NPAT: variants seen among roughly 807,000 people sequenced by gnomAD.
NPAT encodes nuclear protein, coactivator of histone transcription.
Under a neutral mutation model 130.7 loss-of-function variants are expected in NPAT, and 52 were observed. The observed-to-expected ratio is 0.40, with a 90% CI of 0.32 to 0.50. The LOEUF (loss-of-function observed/expected upper bound fraction) is 0.50. NPAT is among the 20% of genes least tolerant of loss of function. NPAT has a pLI of 0.68. For missense variants in NPAT, 1,687 were observed against 1,662.6 expected (o/e 1.01, Z -0.26); for synonymous variants, 580 against 584.8 (o/e 0.99, Z 0.12).
At chr11:108,197,241 T>G in intron 2 of NPAT, 61 bp downstream of exon 2, 2 of 1,172,788 alleles carry the variant, frequency 1.7e-6, no homozygotes, top group African/African-American at 3.0e-5. Context: ...GCTGATTTTA[T>G]GACTATGTTT....
At chr11:108,188,290 A>C in intron 6 of NPAT, 111 bp from the exon 7 acceptor site, 1 of 821,518 alleles carries the variant, frequency 1.2e-6, no homozygotes, top group Non-Finnish European at 2.1e-6. Flanking sequence ...TTCAATTAAC[A>C]TGTACTGAGT....
chr11:108,192,919 A>T (rs1481158382), intron 3 of NPAT, among the ~76,000 whole-genome samples: 1 of 151,956 alleles, frequency 6.6e-6, no homozygotes, highest in Non-Finnish European at 1.5e-5. Context: ...GCGCCATTGC[A>T]CTCCAGCCTG....
chr11:108,172,593 A>G lies in NPAT; in HGVS notation c.2391T>C (p.Gly797=). 6.2e-7 allele frequency: 1 copy of G among 1,614,196 alleles called. No homozygotes were observed. Among genetic ancestry groups the G allele is most frequent in the Non-Finnish European group, 8.5e-7 (1 of 1,180,034 alleles). Reference sequence around the variant, plus strand: ...CCCCTACTTCGGCATATACAACAGCACCTACAGTTTCTTCTGAAGATAGGC... The same window carrying G: ...CCCCTACTTCGGCATATACAACAGCGCCTACAGTTTCTTCTGAAGATAGGC... The part of the protein sequence containing the change: ...VKCLSSEETV[G]AVVYAEVGDS... Residue 797 remains glycine (G), a synonymous_variant, in exon 13 of 18, where the codon GGT becomes GGC. Transcript: ENST00000278612.
chr11:108,165,494 T>C lies in NPAT; in HGVS notation c.3011-3314A>G, dbSNP rs1265153370. On this transcript the variant is annotated intron_variant, in intron 15 of 17. Coordinates refer to ENST00000278612, the MANE Select transcript of NPAT (RefSeq NM_002519.3). ...TATATTTTTTTTTTGTGATAGGGTC[T>C]TGCTCTATTGCCCAGGCTGGAGTGT... Among the ~76,000 whole-genome samples, 6 of 147,434 alleles carry C rather than the reference T, an allele frequency of 4.1e-5. 1 individual carries two copies.
Position 108,203,282 on chromosome 11 carries a change from G to C in NPAT, c.38-5862C>G, listed in dbSNP as rs994553912. 4.6e-5 allele frequency among the ~76,000 whole-genome samples: 7 copies of C among 152,266 alleles called. 1 individual carries two copies. Among genetic ancestry groups the C allele is most frequent in the African/African-American group, 1.4e-4 (6 of 41,552 alleles). On this transcript the variant is annotated intron_variant, in intron 1 of 17. Coordinates refer to ENST00000278612, the MANE Select transcript of NPAT (RefSeq NM_002519.3). Reference sequence around the variant, plus strand: ...CTTTGGCCCATTTCCAATAGGAACTGAAACAACTGTCAGAGGCCCAATTCT... The same window carrying C: ...CTTTGGCCCATTTCCAATAGGAACTCAAACAACTGTCAGAGGCCCAATTCT...
intron 1 of NPAT, among the ~76,000 whole-genome samples, chr11:108,202,727 T>C (rs1382720553): frequency 1.3e-5 from 2 of 152,212 alleles, no homozygotes; most frequent in African/African-American, 2.4e-5. Flanking sequence ...ACCCAAATAA[T>C]GGGAGGTTAC....
intron 2 of NPAT, 39 bp from the exon 3 acceptor site, chr11:108,194,056 A>C (rs774716393): frequency 1.8e-5 from 18 of 1,017,714 alleles, no homozygotes; most frequent in East Asian, 4.8e-5. Flanking sequence ...AAATTGTATA[A>C]TACTACCAAT....
intron 15 of NPAT, among the ~76,000 whole-genome samples, chr11:108,163,097 T>TTTC (rs2077868252): frequency 6.6e-6 from 1 of 152,048 alleles, no homozygotes; most frequent in African/African-American, 2.4e-5. Flanking sequence ...TATTTATTTT[T>TTTC]GAGACGGAGT....
At chr11:108,168,600 C>G (rs896964780) in intron 15 of NPAT, among the ~76,000 whole-genome samples, 18 of 152,234 alleles carry the variant, frequency 1.2e-4, no homozygotes, top group African/African-American at 3.6e-4. Flanking sequence ...GTGTTAAGTG[C>G]TGTAGCATAG....
chr11:108,161,693 C>T lies in NPAT; in HGVS notation c.3393G>A (p.Ser1131=), dbSNP rs761372176. Reference sequence around the variant, plus strand: ...TGGTATGCCGGCTAATGGCACTTTCCGATTTAGATAAAATCTTAGGCAGAG... The same window carrying T: ...TGGTATGCCGGCTAATGGCACTTTCTGATTTAGATAAAATCTTAGGCAGAG... ...KPPLPKILSK[S]ESAISRHTTI... is the part of the protein sequence containing the mutation. Residue 1131 remains serine, a synonymous_variant, in exon 17 of 18, where the codon TCG becomes TCA. Coordinates refer to ENST00000278612, the MANE Select transcript of NPAT (RefSeq NM_002519.3). 1.7e-5 allele frequency: 28 copies of T among 1,613,692 alleles called. No individual in the cohort carries two copies. Among genetic ancestry groups the T allele is most frequent in the African/African-American group, 2.7e-5 (2 of 74,850 alleles).
At chr11:108,175,948 C>G (rs895249414) in intron 12 of NPAT, among the ~76,000 whole-genome samples, 1 of 152,142 alleles carries the variant, frequency 6.6e-6, no homozygotes, top group African/African-American at 2.4e-5. Flanking sequence ...TTTGAGGCTG[C>G]ATGCAGTGAG....
intron 17 of NPAT, 138 bp downstream of exon 17, chr11:108,160,742 T>C: frequency 1.3e-6 from 1 of 749,044 alleles, no homozygotes; most frequent in Admixed American, 2.3e-5. Context: ...ATCATGGTTA[T>C]GTATTTTGTC....
intron 1 of NPAT, among the ~76,000 whole-genome samples, chr11:108,204,507 T>C (rs1048133870): frequency 2.0e-5 from 3 of 152,112 alleles, no homozygotes; most frequent in African/African-American, 7.2e-5. Flanking sequence ...CTCATGTCCA[T>C]GTAATCTCAT....
chr11:108,177,107 G>A lies in NPAT; in HGVS notation c.907-17C>T. ...AATTTCACTCTGCAAGAAAGGAGTG[G>A]CGTGAAGGCATGATTCTAACTGAAT... On this transcript the variant is annotated splice_polypyrimidine_tract_variant and intron_variant, in intron 10 of 17. Coordinates refer to ENST00000278612, the MANE Select transcript of NPAT (RefSeq NM_002519.3). 1 of 1,375,874 alleles carries A rather than the reference G, an allele frequency of 7.3e-7. No homozygotes were observed. Among genetic ancestry groups the A allele is most frequent in the Non-Finnish European group, 1.0e-6 (1 of 964,334 alleles). The allele number at this position is 1,375,874 out of a possible 1,614,324, so 85.2% of individuals were successfully genotyped here. A position where few individuals can be genotyped will look rare whatever the true frequency, so the allele number is the denominator to read the frequency against.
rs2078392800 is a variant in NPAT, at chr11:108,212,431, A to AG, written c.37+10068dup. 5.3e-5 allele frequency among the ~76,000 whole-genome samples: 8 copies of AG among 151,828 alleles called. No individual in the cohort carries two copies. In the South Asian group the frequency reaches 1.7e-3, roughly 32 times the overall value. On this transcript the variant is annotated intron_variant, in intron 1 of 17. Transcript: ENST00000278612. ...TGCCAACTACTCAGGAGGCAGAGGC[A>AG]GGAGAATTGCTTGAATCCGGGAGGT...
In NPAT at chr11:108,189,201, C is replaced by A; in HGVS notation, c.461G>T (p.Gly154Val). The A allele has an allele frequency of 6.2e-7, 1 of 1,614,096 alleles. No individual in the cohort carries two copies. The change falls in exon 6 of 18, where the codon GGT becomes GTT. Residue 154 changes from glycine (G) to valine (V), a missense_variant. Physicochemically the swap from Gly to Val is moderately radical, Grantham distance 109 (BLOSUM62 -3). Coordinates refer to ENST00000278612, the MANE Select transcript of NPAT (RefSeq NM_002519.3). Reference protein sequence around the residue: ...SGQFTTPPSTGTQVTRPSGQI... With the variant: ...SGQFTTPPSTVTQVTRPSGQI... ...GCCACTTGGTCGAGTAACCTGTGTA[C>A]CTGTGGAAGGAGGAGTGGTAAACTG...
At chr11:108,194,573 T>C (rs2078202158) in intron 2 of NPAT, among the ~76,000 whole-genome samples, 1 of 152,178 alleles carries the variant, frequency 6.6e-6, no homozygotes, top group Admixed American at 6.5e-5. Context: ...TATTGCTGAG[T>C]AGTGGAGTAT....
At chr11:108,202,836 A>C (rs1431987849) in intron 1 of NPAT, among the ~76,000 whole-genome samples, 1 of 152,168 alleles carries the variant, frequency 6.6e-6, no homozygotes, top group East Asian at 1.9e-4. Context: ...ACTGGGTAGA[A>C]GCATTTCCAT....
At chr11:108,175,285 A>C (rs1253469864) in intron 12 of NPAT, among the ~76,000 whole-genome samples, 1 of 152,242 alleles carries the variant, frequency 6.6e-6, no homozygotes, top group Non-Finnish European at 1.5e-5. Context: ...AACAGTAAAT[A>C]CTATATAGGC....
Sources: allele counts gnomAD v4.1 joint callset (sites outside exome capture counted in the v4.1 genomes callset), GRCh38; gene constraint gnomAD v4.1.1; transcripts MANE v1.5; gene names NCBI Gene and HGNC (gene_info 2026-07-23, HGNC 2026-07-21).